The following GSTM5 variants were observed in gnomAD, a reference collection of about 807,000 sequenced individuals.
The protein encoded by GSTM5 is GST class-mu 5.
A neutral mutation model predicts 29.0 loss-of-function variants in GSTM5; 24 were observed. The observed-to-expected ratio is 0.83, with a 90% CI of 0.60 to 1.16. The LOEUF (loss-of-function observed/expected upper bound fraction) is 1.16, where lower values mean the gene tolerates loss of function less well. Among genes scored for constraint, GSTM5 ranks in the 50% most tolerant of loss-of-function variants. GSTM5 has a pLI of 0.00. For missense variants in GSTM5, 290 were observed against 263.0 expected, an observed-to-expected ratio of 1.10 and a Z score of -0.71; for synonymous variants, 91 against 93.6, an observed-to-expected ratio of 0.97 and a Z score of 0.16.
chr1:109,714,685 G>C (rs576060700), intron 5 of GSTM5: 134 of 532,782 alleles, frequency 2.5e-4, no homozygotes, highest in Non-Finnish European at 3.9e-4. Flanking sequence ...TCATGCGGCT[G>C]ACCCAGAGGC....
chr1:109,714,652 G>A (rs1648681038), intron 5 of GSTM5: 1 of 458,304 alleles, frequency 2.2e-6, no homozygotes, highest in East Asian at 3.9e-5. Context: ...TCTGGATCCA[G>A]AGGCTGCCAG....
intron 5 of GSTM5, chr1:109,714,165 C>T (rs1648667827): frequency 6.1e-6 from 1 of 163,022 alleles, no homozygotes. Context: ...AATGTCATGT[C>T]AACAAAAGCA....
chr1:109,716,150 A>T (rs566745986), intron 7 of GSTM5: 92 of 281,606 alleles, frequency 3.3e-4, no homozygotes, highest in African/African-American at 1.9e-3. Flanking sequence ...ACGGGGAACC[A>T]TCCCTCACCT....
At chr1:109,713,634 A>G in intron 4 of GSTM5, 27 bp from the exon 5 acceptor site, 1 of 1,614,128 alleles carries the variant, frequency 6.2e-7, no homozygotes, top group Non-Finnish European at 8.5e-7. Flanking sequence ...TGATGCTGAG[A>G]TTGAGTCTGT....
intron 1 of GSTM5, 133 bp downstream of exon 1, chr1:109,712,481 T>C: frequency 8.0e-7 from 1 of 1,245,116 alleles, no homozygotes; most frequent in East Asian, 2.4e-5. Flanking sequence ...TGACGCTGTG[T>C]GTGTGTTTGG....
Position 109,712,868 on chromosome 1 carries a change from G to A in GSTM5, c.112+175G>A, listed in dbSNP as rs574842564. The A allele has an allele frequency of 4.4e-5, 39 of 878,280 alleles. No individual in the cohort carries two copies. In the African/African-American group the frequency reaches 5.0e-4, roughly 11 times the overall value. The allele number at this position is 878,280 out of a possible 1,614,324, so 54.4% of individuals were successfully genotyped here. On this transcript the variant is annotated intron_variant, in intron 2 of 7. Coordinates refer to ENST00000256593, the MANE Select transcript of GSTM5 (RefSeq NM_000851.4). ...GCCTTGCAAGGCAGAATGCTGGGGCGGGATGCTGGACACCCTGTCTAATTG... is the reference window on the plus strand; with the variant it reads ...GCCTTGCAAGGCAGAATGCTGGGGCAGGATGCTGGACACCCTGTCTAATTG...
intron 5 of GSTM5, chr1:109,714,585 C>T (rs1648679050): frequency 3.7e-6 from 1 of 272,164 alleles, no homozygotes; most frequent in African/African-American, 2.2e-5. Context: ...TTAGAAGGAA[C>T]TTTCTACTTC....
At chr1:109,715,840 G>A in intron 7 of GSTM5, 3 of 470,882 alleles carry the variant, frequency 6.4e-6, no homozygotes, top group Non-Finnish European at 1.2e-5. Context: ...GGGTGCCCCT[G>A]TTGAAGCAGT....
At chr1:109,714,901 C>T (rs1230693076) in intron 5 of GSTM5, 46 bp from the exon 6 acceptor site, 3 of 1,598,428 alleles carry the variant, frequency 1.9e-6, no homozygotes, top group African/African-American at 2.7e-5. Context: ...CACGTCTGTG[C>T]AGGGAGCTTT....
rs1401556315 is a variant in GSTM5, at chr1:109,712,680, C to T, written c.99C>T (p.Tyr33=). The T allele has an allele frequency of 1.5e-5, 25 of 1,614,048 alleles. No homozygotes were observed. The highest frequency in any genetic ancestry group is 2.7e-5 in the African/African-American group (2 of 74,936). ...ACTCAAGCTATGTGGAAAAGAAGTA[C>T]ACGCTGGGGGACGGTAATGGCACCC... ...YTDSSYVEKK[Y]TLGDAPDYDR... is the part of the protein sequence containing the mutation. The change falls in exon 2 of 8, where the codon TAC becomes TAT. Residue 33 remains tyrosine, a synonymous_variant. Transcript: ENST00000256593.
chr1:109,714,912 T>A (rs1372986251), intron 5 of GSTM5, 35 bp from the exon 6 acceptor site: 2 of 1,610,856 alleles, frequency 1.2e-6, no homozygotes, highest in East Asian at 4.5e-5. Context: ...AGGGAGCTTT[T>A]GTCTGAGGGT....
chr1:109,712,187 T>C, upstream of GSTM5: 1 of 1,035,476 alleles, frequency 9.7e-7, no homozygotes. Flanking sequence ...GAATGGCGTG[T>C]TTCGGGGTTG....
Position 109,713,656 on chromosome 1 carries a change from G to A in GSTM5, c.260-5G>A, listed in dbSNP as rs1378325284. 6.2e-7 allele frequency: 1 copy of A among 1,614,186 alleles called. No individual in the cohort carries two copies. The highest frequency in any genetic ancestry group is 1.1e-5 in the South Asian group (1 of 91,082). On this transcript the variant is annotated splice_region_variant and splice_polypyrimidine_tract_variant and intron_variant, in intron 4 of 7. Coordinates refer to ENST00000256593, the MANE Select transcript of GSTM5 (RefSeq NM_000851.4). ...GAGATTGAGTCTGTGTTTTGTGGGTGGCAGGTGGGGAGACAGAAGAGGAGA... is the reference window on the plus strand; with the variant it reads ...GAGATTGAGTCTGTGTTTTGTGGGTAGCAGGTGGGGAGACAGAAGAGGAGA...
chr1:109,713,663 G>A lies in GSTM5; in HGVS notation c.262G>A (p.Gly88Arg). Residue 88 changes from glycine (G) to arginine (R), a missense_variant and splice_region_variant, in exon 5 of 8, where the codon GGG (glycine) becomes AGG (arginine). Coordinates refer to ENST00000256593, the MANE Select transcript of GSTM5 (RefSeq NM_000851.4). ...AGTCTGTGTTTTGTGGGTGGCAGGT[G>A]GGGAGACAGAAGAGGAGAAGATTCG... ...RYIARKHNLC[G>R]ETEEEKIRVD... is the part of the protein sequence containing the mutation. 1 of 1,614,224 alleles carries A rather than the reference G, an allele frequency of 6.2e-7. No individual in the cohort carries two copies. Among genetic ancestry groups the A allele is most frequent in the Non-Finnish European group, 8.5e-7 (1 of 1,180,042 alleles).
Position 109,713,741 on chromosome 1 carries a change from CTG to C in GSTM5, c.343_344del (p.Cys115LeufsTer2), listed in dbSNP as rs1272209831. On this transcript the variant is annotated frameshift_variant, in exon 5 of 8. Transcript: ENST00000256593. LOFTEE classifies it high-confidence loss of function. ...GGATAACCACATGGAGCTGGTCAGA[CTG>C]TGCTATGACCCAGATTTTGTGAGTC... ...VMDNHMELVRLCYDPDFEKLK... is the reference protein window; with the variant it reads ...VMDNHMELVRXCYDPDFEKLK... 1 of 1,612,572 alleles carries C rather than the reference CTG, an allele frequency of 6.2e-7. No individual in the cohort carries two copies. The highest frequency in any genetic ancestry group is 1.7e-5 in the Admixed American group (1 of 59,744).
intron 7 of GSTM5, 154 bp downstream of exon 7, chr1:109,715,394 T>A: frequency 6.4e-7 from 1 of 1,564,156 alleles, no homozygotes; most frequent in South Asian, 1.2e-5. Context: ...ATACCTATCG[T>A]GTAGAATTTG....
upstream of GSTM5, chr1:109,712,228 G>A: frequency 1.4e-6 from 2 of 1,439,252 alleles, no homozygotes; most frequent in Non-Finnish European, 9.8e-7. Flanking sequence ...TCGCAGCAAG[G>A]CCCCGCCTGT....
At chr1:109,713,849 G>T in intron 5 of GSTM5, 88 bp downstream of exon 5, 1 of 885,442 alleles carries the variant, frequency 1.1e-6, no homozygotes, top group South Asian at 1.3e-5. Flanking sequence ...GTCTGTAGCA[G>T]ACTCCGGCCA....
In GSTM5 at chr1:109,716,133, C is replaced by G. The variant is rs1351050371; in HGVS notation, c.567+893C>G. On this transcript the variant is annotated intron_variant, in intron 7 of 7. Coordinates refer to ENST00000256593, the MANE Select transcript of GSTM5 (RefSeq NM_000851.4). ...TGGGTACCGGGCCTGGGGCCTGCCCCTCACTCACGGGGAACCATCCCTCAC... is the reference window on the plus strand; with the variant it reads ...TGGGTACCGGGCCTGGGGCCTGCCCGTCACTCACGGGGAACCATCCCTCAC... The G allele has an allele frequency of 1.6e-5, 5 of 306,048 alleles. No individual in the cohort carries two copies. In the Admixed American group the frequency reaches 2.2e-4, roughly 13 times the overall value. The allele number at this position is 306,048 out of a possible 1,614,324, so 19.0% of individuals were successfully genotyped here. A position where few individuals can be genotyped will look rare whatever the true frequency, so the allele number is the denominator to read the frequency against.
Sources: allele counts gnomAD v4.1 joint callset, GRCh38; gene constraint gnomAD v4.1.1; transcripts MANE v1.5; gene names NCBI Gene and HGNC (gene_info 2026-07-23, HGNC 2026-07-21).